SOCS4: variants seen among roughly 807,000 people sequenced by gnomAD.
SOCS4 encodes the protein SH2 domain containing SOCS box protein.
Under a neutral mutation model 34.1 loss-of-function variants are expected in SOCS4, and 20 were observed. The observed-to-expected ratio is 0.59, with a 90% CI of 0.41 to 0.85. SOCS4 has a LOEUF of 0.85. Among genes scored for constraint, SOCS4 ranks in the 40% least tolerant of loss-of-function variants. SOCS4 has a pLI of 0.00. For missense variants in SOCS4, 479 were observed against 532.4 expected, an observed-to-expected ratio of 0.90 and a Z score of 0.99; for synonymous variants, 180 against 186.4, an observed-to-expected ratio of 0.97 and a Z score of 0.28.
chr14:55,049,028 G>A lies in SOCS4; in HGVS notation c.*4664G>A, dbSNP rs1358227430. ...AGTACAATTTGAATTTATGGTTTAG[G>A]CTCTGCAATTAGAGGAACAATTGCA... On this transcript the variant is annotated 3_prime_UTR_variant, in exon 3 of 3. Transcript: ENST00000555846. 1 of 166,758 alleles carries A rather than the reference G, an allele frequency of 6.0e-6. No homozygotes were observed. The highest frequency in any genetic ancestry group is 1.5e-5 in the Non-Finnish European group (1 of 68,108). 10.3% of individuals were successfully genotyped at this position (166,758 alleles called of 1,614,324 possible).
intron 2 of SOCS4, among the ~76,000 whole-genome samples, chr14:55,038,471 T>C (rs2042591639): frequency 6.6e-6 from 1 of 152,190 alleles, no homozygotes; most frequent in African/African-American, 2.4e-5. Flanking sequence ...TTGACAGATC[T>C]TTTCTCTTTG....
At position 55,044,621 on chromosome 14, in the gene SOCS4, CTTTCCTTAATTTATACATGATCCTT is replaced by C. The variant is rs796748414; in HGVS notation, c.*281_*305del. On this transcript the variant is annotated 3_prime_UTR_variant, in exon 3 of 3. Transcript: ENST00000555846. ...TGTAGGTTGTATACTTACATTTTTT[CTTTCCTTAATTTATACATGATCCTT>C]TTTCCTTAATTTATACATGATCCAG... 6.8e-5 allele frequency: 13 copies of C among 192,278 alleles called. No individual in the cohort carries two copies. The highest frequency in any genetic ancestry group is 2.1e-4 in the African/African-American group (8 of 38,322). 11.9% of individuals were successfully genotyped at this position (192,278 alleles called of 1,614,324 possible).
In SOCS4 at chr14:55,031,977, G is replaced by A. The variant is rs2042532861; in HGVS notation, c.-105G>A. 6.6e-6 allele frequency: 1 copy of A among 152,108 alleles called. No homozygotes were observed. Among genetic ancestry groups the A allele is most frequent in the African/African-American group, 2.4e-5 (1 of 41,430 alleles). The allele number at this position is 152,108 out of a possible 1,614,324, so 9.4% of individuals were successfully genotyped here. A position where few individuals can be genotyped will look rare whatever the true frequency, so the allele number is the denominator to read the frequency against. On this transcript the variant is annotated 5_prime_UTR_variant, in exon 2 of 3. It introduces an in-frame stop codon into an upstream open reading frame of the 5' UTR. Coordinates refer to ENST00000555846, the MANE Select transcript of SOCS4 (RefSeq NM_199421.2). Reference sequence around the variant, plus strand: ...TCAGAATGCTTTCAAGGAGTTTTTGGGCACATGATGGCAGGTAAACTTTGG... The same window carrying A: ...TCAGAATGCTTTCAAGGAGTTTTTGAGCACATGATGGCAGGTAAACTTTGG...
chr14:55,031,840 G>C (rs1203117934), intron 1 of SOCS4, 23 bp from the exon 2 acceptor site: 2 of 152,168 alleles, frequency 1.3e-5, no homozygotes, highest in East Asian at 3.8e-4. Flanking sequence ...CCTGTTTTCA[G>C]ATTTTTTTCT....
chr14:55,039,398 ACTGCACTCCAGC>A (rs2042598365), intron 2 of SOCS4, among the ~76,000 whole-genome samples: 1 of 152,144 alleles, frequency 6.6e-6, no homozygotes, highest in Non-Finnish European at 1.5e-5. Flanking sequence ...TGATTGCACC[ACTGCACTCCAGC>A]CTGGGCGATA....
rs1566757649 is a variant in SOCS4, at chr14:55,044,454, A to C, written c.*90A>C. ...TATGCCACTTTGGATTTTTCTACAA[A>C]GGCAGTGGTGTCCAAAATAAAATCT... On this transcript the variant is annotated 3_prime_UTR_variant, in exon 3 of 3. Transcript: ENST00000555846. 2.0e-6 allele frequency: 2 copies of C among 995,788 alleles called. No individual in the cohort carries two copies. The highest frequency in any genetic ancestry group is 2.7e-6 in the Non-Finnish European group (2 of 752,188). 61.7% of individuals were successfully genotyped at this position (995,788 alleles called of 1,614,324 possible).
chr14:55,032,984 G>A (rs1033188659), intron 2 of SOCS4, among the ~76,000 whole-genome samples: 18 of 152,080 alleles, frequency 1.2e-4, no homozygotes, highest in African/African-American at 3.6e-4. Flanking sequence ...GGGTTTCACC[G>A]TGTTAGTCAG....
chr14:55,044,122 C>T lies in SOCS4; in HGVS notation c.1081C>T (p.Leu361=). The change falls in exon 3 of 3, where the codon CTA becomes TTA. Residue 361 remains leucine, a synonymous_variant. Transcript: ENST00000555846. Reference sequence around the variant, plus strand: ...CCATTCTCCTGACATTACTGGGCTCCTAGAACATTATAAGGACCCAAGCGC... The same window carrying T: ...CCATTCTCCTGACATTACTGGGCTCTTAGAACATTATAAGGACCCAAGCGC... ...VFHSPDITGL[L]EHYKDPSACM... 3 of 1,614,130 alleles carry T rather than the reference C, an allele frequency of 1.9e-6. No individual in the cohort carries two copies. Among genetic ancestry groups the T allele is most frequent in the Non-Finnish European group, 2.5e-6 (3 of 1,180,014 alleles).
intron 2 of SOCS4, among the ~76,000 whole-genome samples, chr14:55,035,123 A>G (rs142153272): frequency 0.013 from 1,987 of 152,278 alleles, 42 homozygotes; most frequent in Middle Eastern, 0.054. Context: ...GGCCTCCCAA[A>G]GTACTGGGAT....
chr14:55,038,238 C>G (rs1248173490), intron 2 of SOCS4, among the ~76,000 whole-genome samples: 1 of 152,170 alleles, frequency 6.6e-6, no homozygotes, highest in African/African-American at 2.4e-5. Context: ...CTGGCTGCAC[C>G]CTTGACACAT....
At chr14:55,042,931 A>G (rs1189548791) in intron 2 of SOCS4, 21 bp from the exon 3 acceptor site, 6 of 953,614 alleles carry the variant, frequency 6.3e-6, no homozygotes, top group Non-Finnish European at 9.2e-6. Context: ...ATGGTTAATG[A>G]CTTTTTTTTG....
At chr14:55,036,758 T>A (rs2042575529) in intron 2 of SOCS4, among the ~76,000 whole-genome samples, 1 of 152,140 alleles carries the variant, frequency 6.6e-6, no homozygotes, top group African/African-American at 2.4e-5. Flanking sequence ...TTCTGTCTAG[T>A]TAACCATTTT....
chr14:55,043,761 T>G lies in SOCS4; in HGVS notation c.720T>G (p.Ser240Arg). ...ATGAAATTCTAACACTTTGCACAAG[T>G]TCCAGAAAAAGAAACAAACCCAAAT... ...SDDEILTLCTSSRKRNKPKWD... is the reference protein window; with the variant it reads ...SDDEILTLCTRSRKRNKPKWD... The change falls in exon 3 of 3, where the codon AGT becomes AGG. Residue 240 changes from serine to arginine, a missense_variant. By Grantham distance (110) the Ser-to-Arg change is moderately radical (BLOSUM62 -1). Coordinates refer to ENST00000555846, the MANE Select transcript of SOCS4 (RefSeq NM_199421.2). 6.2e-7 allele frequency: 1 copy of G among 1,614,082 alleles called. No homozygotes were observed. Among genetic ancestry groups the G allele is most frequent in the Non-Finnish European group, 8.5e-7 (1 of 1,180,000 alleles).
At chr14:55,037,359 G>A (rs1299190984) in intron 2 of SOCS4, among the ~76,000 whole-genome samples, 2 of 151,832 alleles carry the variant, frequency 1.3e-5, no homozygotes, top group Admixed American at 6.6e-5. Flanking sequence ...TGGCCAGGCT[G>A]GTCTTGAACT....
chr14:55,046,756 T>A lies in SOCS4; in HGVS notation c.*2392T>A, dbSNP rs1306466673. On this transcript the variant is annotated 3_prime_UTR_variant, in exon 3 of 3. Coordinates refer to ENST00000555846, the MANE Select transcript of SOCS4 (RefSeq NM_199421.2). The stretch of plus-strand genomic sequence containing the variant: ...TTTTTATTTTTCCTTTGGTATTTGC[T>A]ACAGTGAAAAGAAGTTTGGAAAGTA... 1 of 167,026 alleles carries A rather than the reference T, an allele frequency of 6.0e-6. No individual in the cohort carries two copies. 10.3% of individuals were successfully genotyped at this position (167,026 alleles called of 1,614,324 possible).
intron 1 of SOCS4, among the ~76,000 whole-genome samples, chr14:55,031,369 T>C (rs1428009234): frequency 6.6e-6 from 1 of 152,200 alleles, no homozygotes. Flanking sequence ...CCAAACTTTC[T>C]TCCACAAAAG....
chr14:55,038,508 C>A (rs1387185851), intron 2 of SOCS4, among the ~76,000 whole-genome samples: 1 of 152,188 alleles, frequency 6.6e-6, no homozygotes, highest in East Asian at 1.9e-4. Context: ...AGGAAAGTAT[C>A]TGCCACTCTT....
At chr14:55,031,127 T>TA (rs1178435652) in intron 1 of SOCS4, among the ~76,000 whole-genome samples, 1 of 152,206 alleles carries the variant, frequency 6.6e-6, no homozygotes, top group African/African-American at 2.4e-5. Context: ...CTGTTCAATC[T>TA]AATTTATTCC....
At chr14:55,040,884 A>G (rs978969142) in intron 2 of SOCS4, among the ~76,000 whole-genome samples, 1 of 149,340 alleles carries the variant, frequency 6.7e-6, no homozygotes, top group East Asian at 2.0e-4. Context: ...AACTATAATC[A>G]CCAGATGGTT....
Sources: gnomAD v4.1 joint callset for allele counts (sites outside exome capture counted in the v4.1 genomes callset) on GRCh38, gnomAD v4.1.1 for gene constraint, MANE v1.5 for transcripts, NCBI Gene and HGNC (gene_info 2026-07-23, HGNC 2026-07-21) for gene names.